SLC4A11: variants seen among roughly 807,000 people sequenced by gnomAD.
SLC4A11 encodes the protein solute carrier family 4 member 11, also known as bicarbonate transporter related protein 1.
In SLC4A11, 74 loss-of-function variants were observed where a neutral mutation model predicts 95.0. The ratio of observed to expected loss-of-function variants is 0.78; its 90% CI spans 0.65 to 0.95. The LOEUF (loss-of-function observed/expected upper bound fraction) is 0.95, where lower values mean the gene tolerates loss of function less well. SLC4A11 is among the 40% of genes least tolerant of loss of function. The pLI is 0.00. For missense variants in SLC4A11, 1,081 were observed against 1,192.4 expected (o/e 0.91, Z 1.38); for synonymous variants, 548 against 519.0 (o/e 1.06, Z -0.76).
At position 3,237,448 on chromosome 20, in the gene SLC4A11, C is replaced by A. The variant is rs999228415; in HGVS notation, c.88+96G>T. Reference sequence around the variant, plus strand: ...CACTAGAGTGGCCCAGATAGGCGAGCAAAGCCACAGGACTCTGGTGGGTAG... The same window carrying A: ...CACTAGAGTGGCCCAGATAGGCGAGAAAAGCCACAGGACTCTGGTGGGTAG... On this transcript the variant is annotated intron_variant, in intron 2 of 19. Coordinates refer to ENST00000642402, the MANE Select transcript of SLC4A11 (RefSeq NM_001174089.2). 3.8e-6 allele frequency: 5 copies of A among 1,326,614 alleles called. No individual in the cohort carries two copies. In the Admixed American group the frequency reaches 5.0e-5, roughly 13 times the overall value. 82.2% of individuals were successfully genotyped at this position (1,326,614 alleles called of 1,614,324 possible).
Position 3,234,778 on chromosome 20 carries a change from CA to C in SLC4A11, c.204del (p.Phe68LeufsTer32), listed in dbSNP as rs2067914706. On this transcript the variant is annotated frameshift_variant, in exon 3 of 20. Coordinates refer to ENST00000642402, the MANE Select transcript of SLC4A11 (RefSeq NM_001174089.2). LOFTEE classifies it high-confidence loss of function. The surrounding 1 kb of genome is among the most constrained non-coding windows in gnomAD (Gnocchi z 5.8). ...SIVSGESIRF[F>X]VNVNLEMQAT... ...GCCTGCATCTCAAGGTTGACATTGACAAAAAAACGGATACTCTCGCCAGACA... is the reference window on the plus strand; with the variant it reads ...GCCTGCATCTCAAGGTTGACATTGACAAAAAACGGATACTCTCGCCAGACA... 2 of 1,613,872 alleles carry C rather than the reference CA, an allele frequency of 1.2e-6. No individual in the cohort carries two copies. The highest frequency in any genetic ancestry group is 1.7e-6 in the Non-Finnish European group (2 of 1,179,978).
At chr20:3,236,649 G>T (rs1262851046) in intron 2 of SLC4A11, among the ~76,000 whole-genome samples, 1 of 152,124 alleles carries the variant, frequency 6.6e-6, no homozygotes. Flanking sequence ...TGGAGCTCAT[G>T]ATAAACTCCT....
At chr20:3,232,722 T>TA (rs571334311) in intron 7 of SLC4A11, among the ~76,000 whole-genome samples, 46 of 151,984 alleles carry the variant, frequency 3.0e-4, no homozygotes, top group African/African-American at 8.7e-4. Flanking sequence ...CAAAGATAAA[T>TA]AAATAAAACA....
rs1324065422 is a variant in SLC4A11 at position 3,231,725 on chromosome 20, T to G, written c.730-177A>C. 3.3e-5 allele frequency among the ~76,000 whole-genome samples: 5 copies of G among 152,198 alleles called. No homozygotes were observed. The highest frequency in any genetic ancestry group is 7.3e-5 in the Non-Finnish European group (5 of 68,034). ...CTGAGTGCAGTGGCACACTCACGGC[T>G]TATCGTAGCCTCGACCTCCCGGGCT... On this transcript the variant is annotated intron_variant, in intron 7 of 19. Coordinates refer to ENST00000642402, the MANE Select transcript of SLC4A11 (RefSeq NM_001174089.2). This position sits in a 1 kb window ranked among gnomAD's most constrained non-coding sequence, Gnocchi z 5.2.
intron 1 of SLC4A11, chr20:3,238,697 C>T (rs1021907691): frequency 9.9e-6 from 10 of 1,010,300 alleles, no homozygotes; most frequent in Admixed American, 5.9e-5. Context: ...CGGGAAGATG[C>T]CCGGGCGGAA....
In SLC4A11 at chr20:3,234,751, T is replaced by C. The variant is rs755896335; in HGVS notation, c.232A>G (p.Thr78Ala). The C allele has an allele frequency of 1.9e-6, 3 of 1,613,924 alleles. No individual in the cohort carries two copies. The East Asian group carries it at 6.7e-5, about 36-fold the overall frequency. ...GCTGCAGCCCCCATACCAGTGTTGGTGGCCTGCATCTCAAGGTTGACATTG... is the reference window on the plus strand; with the variant it reads ...GCTGCAGCCCCCATACCAGTGTTGGCGGCCTGCATCTCAAGGTTGACATTG... Reference protein sequence around the residue: ...FVNVNLEMQATNTENEATSGG... With the variant: ...FVNVNLEMQAANTENEATSGG... The change falls in exon 3 of 20, where the codon ACC becomes GCC. Residue 78 changes from threonine (T) to alanine (A), a missense_variant. By Grantham distance (58) the Thr-to-Ala change is moderately conservative (BLOSUM62 0). Coordinates refer to ENST00000642402, the MANE Select transcript of SLC4A11 (RefSeq NM_001174089.2). This position sits in a 1 kb window ranked among gnomAD's most constrained non-coding sequence, Gnocchi z 5.8.
In SLC4A11 at chr20:3,228,283, A is replaced by T; in HGVS notation, c.2534T>A (p.Ile845Asn). ...CCGGATGGGGATCATGGCGATCATGATGAGGGGAAAGATCATCTTCATGTA... is the reference window on the plus strand; with the variant it reads ...CCGGATGGGGATCATGGCGATCATGTTGAGGGGAAAGATCATCTTCATGTA... ...LPYMKMIFPL[I>N]MIAMIPIRYI... Residue 845 changes from isoleucine to asparagine, a missense_variant, in exon 19 of 20, where the codon ATC becomes AAC. By Grantham distance (149) the Ile-to-Asn change is moderately radical (BLOSUM62 -3). Around this residue, in one of 3 missense-constraint regions of SLC4A11, gnomAD observed 767 missense variants for 858.0 expected, o/e 0.89. Transcript: ENST00000642402. 1 of 1,612,664 alleles carries T rather than the reference A, an allele frequency of 6.2e-7. No homozygotes were observed. The highest frequency in any genetic ancestry group is 1.3e-5 in the African/African-American group (1 of 74,806).
chr20:3,239,177 G>A lies in SLC4A11; in HGVS notation c.-40C>T. On this transcript the variant is annotated 5_prime_UTR_variant, in exon 1 of 20. Transcript: ENST00000642402. ...CTCACGGCCGGGCTCCTCACGCGGC[G>A]CTCCGGCGCTTCTGGACCCCAAACT... The A allele has an allele frequency of 3.5e-6, 5 of 1,429,450 alleles. No individual in the cohort carries two copies. Among genetic ancestry groups the A allele is most frequent in the Non-Finnish European group, 3.7e-6 (4 of 1,092,016 alleles). The allele number at this position is 1,429,450 out of a possible 1,614,324, so 88.5% of individuals were successfully genotyped here. A position where few individuals can be genotyped will look rare whatever the true frequency, so the allele number is the denominator to read the frequency against.
intron 12 of SLC4A11, 82 bp from the exon 13 acceptor site, chr20:3,230,342 C>T: frequency 6.4e-7 from 1 of 1,570,490 alleles, no homozygotes; most frequent in Non-Finnish European, 8.8e-7. Flanking sequence ...CCTGCACAGT[C>T]CCCTGCCTCC....
At chr20:3,238,223 A>G in intron 1 of SLC4A11, 1 of 1,388,400 alleles carries the variant, frequency 7.2e-7, no homozygotes, top group Non-Finnish European at 9.3e-7. Context: ...TATCTGAGGG[A>G]CACATGGGTC....
intron 2 of SLC4A11, among the ~76,000 whole-genome samples, chr20:3,235,696 A>T (rs1205433663): frequency 2.6e-5 from 4 of 152,032 alleles, no homozygotes; most frequent in Non-Finnish European, 5.9e-5. Context: ...CTCTTCCTAC[A>T]GGAAGATTTC....
chr20:3,228,431 G>A lies in SLC4A11; in HGVS notation c.2389-3C>T. 3.1e-6 allele frequency: 5 copies of A among 1,613,224 alleles called. No homozygotes were observed. Among genetic ancestry groups the A allele is most frequent in the Non-Finnish European group, 4.2e-6 (5 of 1,179,970 alleles). On this transcript the variant is annotated splice_polypyrimidine_tract_variant and splice_region_variant and intron_variant, in intron 18 of 19. Coordinates refer to ENST00000642402, the MANE Select transcript of SLC4A11 (RefSeq NM_001174089.2). ...TAGTGTGTCGGGGGGTACGCAGTCT[G>A]TGGGCGGCAGGGACCGGGTGTGGGC...
At chr20:3,238,535 G>GAGTC (rs2068062551) in intron 1 of SLC4A11, 6 of 992,386 alleles carry the variant, frequency 6.0e-6, no homozygotes, top group Non-Finnish European at 4.8e-6. Flanking sequence ...TGCAGGTAAA[G>GAGTC]GGTCGTACAA....
intron 12 of SLC4A11, 85 bp downstream of exon 12, chr20:3,230,430 G>A (rs2067718260): frequency 1.9e-5 from 31 of 1,603,152 alleles, no homozygotes; most frequent in Admixed American, 6.7e-5. Flanking sequence ...TATGGTGGGG[G>A]CACCCCCACC....
At chr20:3,239,495 G>T (rs190512143), upstream of SLC4A11, 136 of 1,004,180 alleles carry the variant, frequency 1.4e-4, no homozygotes, top group African/African-American at 2.2e-3. Context: ...CGGGGCCGGG[G>T]AGCTTCTGGG....
Position 3,234,312 on chromosome 20 carries a change from G to A in SLC4A11, c.294C>T (p.Tyr98=). Residue 98 remains tyrosine (Y), a splice_region_variant and synonymous_variant, in exon 5 of 20, where the codon TAC becomes TAT. Coordinates refer to ENST00000642402, the MANE Select transcript of SLC4A11 (RefSeq NM_001174089.2). The surrounding 1 kb of genome is among the most constrained non-coding windows in gnomAD (Gnocchi z 5.8). ...GCVLLHTSRK[Y]LKLKNFKEEI... ...CTTCCTTGAAGTTCTTTAACTTCAG[G>A]TACTGAGGGGACCCCAGGGACAGAA... 6.2e-7 allele frequency: 1 copy of A among 1,613,548 alleles called. No homozygotes were observed. Among genetic ancestry groups the A allele is most frequent in the Non-Finnish European group, 8.5e-7 (1 of 1,179,896 alleles).
At chr20:3,238,822 C>T in intron 1 of SLC4A11, 19 of 1,180,408 alleles carry the variant, frequency 1.6e-5, no homozygotes, top group Non-Finnish European at 1.9e-5. Flanking sequence ...CCGCCCTCGA[C>T]CCGCTGCATC....
At chr20:3,232,335 T>C (rs2067809772) in intron 7 of SLC4A11, among the ~76,000 whole-genome samples, 1 of 152,236 alleles carries the variant, frequency 6.6e-6, no homozygotes, top group Non-Finnish European at 1.5e-5. Context: ...CCTGCTCACC[T>C]AGGGGCAGTG....
chr20:3,233,198 T>C (rs2180363), intron 7 of SLC4A11, among the ~76,000 whole-genome samples: 86,982 of 151,926 alleles, frequency 0.57, 25,692 homozygotes, highest in African/African-American at 0.71. Context: ...GACCCTCAGC[T>C]AGCAAATCGC....
Sources: gnomAD v4.1 joint callset for allele counts (sites outside exome capture counted in the v4.1 genomes callset) on GRCh38, gnomAD v4.1.1 for gene constraint, gnomAD v4.1.1 regional missense constraint, Gnocchi (gnomAD v3.1) non-coding constraint, MANE v1.5 for transcripts, NCBI Gene and HGNC (gene_info 2026-07-23, HGNC 2026-07-21) for gene names.